ZBTB20: variants seen among roughly 807,000 people sequenced by gnomAD.
ZBTB20 encodes the protein zinc finger and BTB domain-containing protein 20.
ZBTB20 carries 9 observed loss-of-function variants against 56.9 expected under a neutral mutation model. That is an observed-to-expected ratio of 0.16 (90% CI 0.10 to 0.28). The LOEUF is 0.28. ZBTB20 is among the 10% of genes least tolerant of loss of function. The pLI, the probability that ZBTB20 is intolerant of heterozygous loss-of-function variation, is 1.00. For missense variants in ZBTB20, 655 were observed against 1,003.0 expected (o/e 0.65, Z 4.69); for synonymous variants, 417 against 420.7 (o/e 0.99, Z 0.11).
intron 6 of ZBTB20, among the ~76,000 whole-genome samples, chr3:114,653,812 T>C (rs1467721381): frequency 6.6e-6 from 1 of 151,972 alleles, no homozygotes; most frequent in African/African-American, 2.4e-5. Flanking sequence ...AATAAAGGAA[T>C]ATTTTGATTT....
At chr3:115,119,897 T>C (rs2084131917) in intron 1 of ZBTB20, among the ~76,000 whole-genome samples, 1 of 152,038 alleles carries the variant, frequency 6.6e-6, no homozygotes, top group South Asian at 2.1e-4. Flanking sequence ...CTTTAATGCA[T>C]ATTACTAAAT....
chr3:114,701,310 T>C (rs2063375771), intron 5 of ZBTB20, among the ~76,000 whole-genome samples: 1 of 152,196 alleles, frequency 6.6e-6, no homozygotes, highest in African/African-American at 2.4e-5. Context: ...TCTTTCCTCA[T>C]AAGCTCATTC....
At chr3:115,046,244 C>T (rs754500002) in intron 2 of ZBTB20, among the ~76,000 whole-genome samples, 1 of 152,046 alleles carries the variant, frequency 6.6e-6, no homozygotes, top group Admixed American at 6.6e-5. Context: ...ATATTACACA[C>T]AAACCTAAAA....
intron 10 of ZBTB20, among the ~76,000 whole-genome samples, chr3:114,363,057 T>C (rs1013563403): frequency 2.0e-5 from 3 of 152,180 alleles, no homozygotes; most frequent in African/African-American, 7.2e-5. Flanking sequence ...AAGACACTAG[T>C]TTTCTCTTTG....
intron 7 of ZBTB20, among the ~76,000 whole-genome samples, chr3:114,461,175 T>C (rs1193761794): frequency 6.6e-6 from 1 of 152,164 alleles, no homozygotes; most frequent in Non-Finnish European, 1.5e-5. Context: ...CCTGAACTCA[T>C]TCAGAAGTGA....
At position 114,543,811 on chromosome 3, in the gene ZBTB20, TTC is replaced by T. The variant is rs533754226; in HGVS notation, c.-294-43422_-294-43421del. Among the ~76,000 whole-genome samples, 85 of 152,312 alleles carry T rather than the reference TTC, an allele frequency of 5.6e-4. 1 individual carries two copies. In the South Asian group the frequency reaches 0.018, roughly 32 times the overall value. On this transcript the variant is annotated intron_variant, in intron 6 of 11. Coordinates refer to ENST00000675478, the MANE Select transcript of ZBTB20 (RefSeq NM_001348800.3). ...GGCTATTTTCTGAGTAGTGAAAAAG[TTC>T]TCTTTTATAATAGCTTAACTCAAGA...
chr3:114,757,605 A>T (rs1412823299), intron 5 of ZBTB20, among the ~76,000 whole-genome samples: 1 of 152,138 alleles, frequency 6.6e-6, no homozygotes, highest in Non-Finnish European at 1.5e-5. Flanking sequence ...AACTTTAAGG[A>T]GGCTGCCTCT....
chr3:115,080,328 A>C (rs1178146123), intron 1 of ZBTB20, among the ~76,000 whole-genome samples: 1 of 152,210 alleles, frequency 6.6e-6, no homozygotes, highest in Middle Eastern at 3.2e-3. Context: ...ACTCAGAATA[A>C]GCTGTCCATG....
At chr3:114,703,418 T>C (rs534113827) in intron 5 of ZBTB20, among the ~76,000 whole-genome samples, 1 of 152,232 alleles carries the variant, frequency 6.6e-6, no homozygotes, top group South Asian at 2.1e-4. Context: ...TTTAGCTTCT[T>C]TGAATGTTCC....
chr3:114,498,464 T>C (rs2043545848), intron 7 of ZBTB20, among the ~76,000 whole-genome samples: 1 of 152,168 alleles, frequency 6.6e-6, no homozygotes, highest in Non-Finnish European at 1.5e-5. Context: ...GACATTTCTT[T>C]TCCTTTTGTC....
Position 115,097,105 on chromosome 3 carries a change from AAAG to A in ZBTB20, c.-702-25694_-702-25692del, listed in dbSNP as rs138469133. ...ATAGTGATTCTCCTCTTAAGTTAAA[AAAG>A]AAGAAAAAGTTTAAACTGGCATATG... On this transcript the variant is annotated intron_variant, in intron 1 of 11. Transcript: ENST00000675478. Among the ~76,000 whole-genome samples the A allele has an allele frequency of 5.6e-3, 852 of 152,304 alleles. 12 individuals are homozygous for A. The highest frequency in any genetic ancestry group is 0.02 in the African/African-American group (825 of 41,562).
chr3:114,873,503 T>C (rs560167287), intron 4 of ZBTB20, among the ~76,000 whole-genome samples: 45 of 152,270 alleles, frequency 3.0e-4, no homozygotes, highest in Middle Eastern at 3.4e-3. Flanking sequence ...GGTCTTTGGC[T>C]TCAAATGCCT....
intron 6 of ZBTB20, among the ~76,000 whole-genome samples, chr3:114,612,107 A>C (rs2057605920): frequency 6.6e-6 from 1 of 152,186 alleles, no homozygotes; most frequent in Non-Finnish European, 1.5e-5. Flanking sequence ...ATATTAAACC[A>C]TTGGCTACCA....
chr3:114,462,793 T>C (rs1037933126), intron 7 of ZBTB20, among the ~76,000 whole-genome samples: 1 of 152,184 alleles, frequency 6.6e-6, no homozygotes, highest in African/African-American at 2.4e-5. Context: ...CTCTGAGTAA[T>C]GAAAATTTGC....
chr3:114,931,238 C>A, intron 3 of ZBTB20: 1 of 188,890 alleles, frequency 5.3e-6, no homozygotes. Flanking sequence ...CTCAGGGAAC[C>A]TCATCGCCAA....
chr3:114,719,234 G>A (rs985700738), intron 5 of ZBTB20, among the ~76,000 whole-genome samples: 3 of 151,880 alleles, frequency 2.0e-5, no homozygotes, highest in African/African-American at 4.8e-5. Flanking sequence ...GAGGACACCT[G>A]CTGCTTATCA....
chr3:115,069,898 T>C (rs1298379612), intron 2 of ZBTB20, among the ~76,000 whole-genome samples: 1 of 152,138 alleles, frequency 6.6e-6, no homozygotes, highest in Admixed American at 6.6e-5. Flanking sequence ...CATTTTCATT[T>C]TACACAAAAG....
At chr3:114,666,973 T>C (rs1469353036) in intron 6 of ZBTB20, among the ~76,000 whole-genome samples, 1 of 151,958 alleles carries the variant, frequency 6.6e-6, no homozygotes, top group African/African-American at 2.4e-5. Context: ...TAGAAGGCAA[T>C]AAAAGCTTTG....
In ZBTB20 at chr3:114,329,408, T is replaced by C. The variant is rs1312295431; in HGVS notation, c.*9597A>G. On this transcript the variant is annotated 3_prime_UTR_variant, in exon 12 of 12. Transcript: ENST00000675478. ...TTATTCAACTGAGGCTTTCCATGCA[T>C]TGGGTTGAATAGCTGAGGGAAGCTG... 1 of 152,050 alleles carries C rather than the reference T, an allele frequency of 6.6e-6. No individual in the cohort carries two copies. Among genetic ancestry groups the C allele is most frequent in the Admixed American group, 6.6e-5 (1 of 15,264 alleles). 9.4% of individuals were successfully genotyped at this position (152,050 alleles called of 1,614,324 possible). A position where few individuals can be genotyped will look rare whatever the true frequency, so the allele number is the denominator to read the frequency against.
Sources: gnomAD v4.1 joint callset for allele counts (sites outside exome capture counted in the v4.1 genomes callset) on GRCh38, gnomAD v4.1.1 for gene constraint, MANE v1.5 for transcripts, NCBI Gene and HGNC (gene_info 2026-07-23, HGNC 2026-07-21) for gene names.